The following EPS15 variants were observed in gnomAD, a reference collection of about 807,000 sequenced individuals.
EPS15 encodes the protein epidermal growth factor receptor pathway substrate 15.
Under a neutral mutation model 113.8 loss-of-function variants are expected in EPS15, and 72 were observed. The ratio of observed to expected loss-of-function variants is 0.63; its 90% CI spans 0.52 to 0.77. The LOEUF is 0.77. Among genes scored for constraint, EPS15 ranks in the 30% least tolerant of loss-of-function variants. EPS15 has a pLI of 0.00. For missense variants in EPS15, 1,048 were observed against 1,045.8 expected, an observed-to-expected ratio of 1.00 and a Z score of -0.03; for synonymous variants, 344 against 363.4, an observed-to-expected ratio of 0.95 and a Z score of 0.61.
At chr1:51,430,168 T>A (rs1651590424) in intron 12 of EPS15, among the ~76,000 whole-genome samples, 1 of 152,188 alleles carries the variant, frequency 6.6e-6, no homozygotes, top group South Asian at 2.1e-4. Context: ...TTAGGAACTG[T>A]CAGAAGCCTT....
At chr1:51,400,712 C>CAAAAAAAAAAAAAAAAA (rs375748381) in intron 19 of EPS15, among the ~76,000 whole-genome samples, 33 of 60,092 alleles carry the variant, frequency 5.5e-4, no homozygotes, top group Non-Finnish European at 8.2e-4. Flanking sequence ...CAAAAAACAC[C>CAAAAAAAAAAAAAAAAA]AAAAAAAAAA....
intron 13 of EPS15, among the ~76,000 whole-genome samples, chr1:51,417,913 T>C (rs925975227): frequency 6.6e-6 from 1 of 152,300 alleles, no homozygotes; most frequent in Admixed American, 6.5e-5. Flanking sequence ...CCTCCCATCA[T>C]TAATGGTGGC....
intron 1 of EPS15, among the ~76,000 whole-genome samples, chr1:51,485,807 CT>C (rs940227163): frequency 7.9e-5 from 12 of 151,716 alleles, no homozygotes; most frequent in African/African-American, 2.4e-4. Flanking sequence ...CATCGAGGGT[CT>C]TTTTTTTGAG....
At chr1:51,414,170 G>A (rs1196204319) in intron 13 of EPS15, among the ~76,000 whole-genome samples, 1 of 152,124 alleles carries the variant, frequency 6.6e-6, no homozygotes, top group Non-Finnish European at 1.5e-5. Context: ...CCAGCACTTT[G>A]GGAGGCTGAG....
chr1:51,406,219 T>C (rs1258960894), intron 15 of EPS15, 111 bp from the exon 16 acceptor site: 1 of 852,810 alleles, frequency 1.2e-6, no homozygotes, highest in South Asian at 1.7e-5. Context: ...CTCATGCCTA[T>C]AATCTCAACA....
In EPS15 at chr1:51,356,610, T is replaced by C; in HGVS notation, c.*90A>G. 8.9e-7 allele frequency: 1 copy of C among 1,118,692 alleles called. No homozygotes were observed. Among genetic ancestry groups the C allele is most frequent in the Non-Finnish European group, 1.2e-6 (1 of 804,892 alleles). The allele number at this position is 1,118,692 out of a possible 1,614,324, so 69.3% of individuals were successfully genotyped here. A position where few individuals can be genotyped will look rare whatever the true frequency, so the allele number is the denominator to read the frequency against. ...GAATCTCAAACCTTTTGTATTCCCA[T>C]GCTCACAGGTAGTTTTGATACACAT... On this transcript the variant is annotated 3_prime_UTR_variant, in exon 25 of 25. Coordinates refer to ENST00000371733, the MANE Select transcript of EPS15 (RefSeq NM_001981.3).
intron 13 of EPS15, among the ~76,000 whole-genome samples, chr1:51,410,712 T>C (rs1028294863): frequency 6.6e-6 from 1 of 152,138 alleles, no homozygotes; most frequent in Non-Finnish European, 1.5e-5. Context: ...CTAAAAATAA[T>C]ATCTATTCAA....
rs530890446 is a variant in EPS15, at chr1:51,389,313, G to A, written c.2119+5068C>T. On this transcript the variant is annotated intron_variant, in intron 21 of 24. Transcript: ENST00000371733. Reference sequence around the variant, plus strand: ...TCAATAAATTAGGTATTGATGGGACGTATCTCAAAATAATAAGAGCTATCT... The same window carrying A: ...TCAATAAATTAGGTATTGATGGGACATATCTCAAAATAATAAGAGCTATCT... 3.9e-3 allele frequency among the ~76,000 whole-genome samples: 595 copies of A among 152,028 alleles called. 2 individuals carry two copies. Among genetic ancestry groups the A allele is most frequent in the African/African-American group, 0.013 (557 of 41,414 alleles).
chr1:51,379,049 A>C (rs1646871487), intron 21 of EPS15, among the ~76,000 whole-genome samples: 2 of 152,236 alleles, frequency 1.3e-5, no homozygotes, highest in Non-Finnish European at 2.9e-5. Flanking sequence ...AACTGCTGAA[A>C]GACAGAAACA....
At chr1:51,458,625 T>G (rs1324525751) in intron 8 of EPS15, 1 of 416,208 alleles carries the variant, frequency 2.4e-6, no homozygotes, top group South Asian at 1.6e-5. Context: ...TAATCCCAGC[T>G]CCTCAGGAGG....
intron 1 of EPS15, among the ~76,000 whole-genome samples, chr1:51,500,769 G>A (rs1175117746): frequency 1.3e-5 from 2 of 152,050 alleles, no homozygotes; most frequent in Non-Finnish European, 2.9e-5. Flanking sequence ...AGGATCACGA[G>A]GTCAGGAGTT....
chr1:51,365,589 T>C (rs1261937703), intron 22 of EPS15, among the ~76,000 whole-genome samples: 1 of 152,006 alleles, frequency 6.6e-6, no homozygotes, highest in East Asian at 1.9e-4. Context: ...AAGTAACCAA[T>C]ACAGAGAGGA....
intron 12 of EPS15, among the ~76,000 whole-genome samples, chr1:51,430,920 C>T (rs1651654957): frequency 6.6e-6 from 1 of 151,368 alleles, no homozygotes; most frequent in Admixed American, 6.6e-5. Flanking sequence ...GATCACGCCA[C>T]TGCTCTCCAG....
At chr1:51,454,746 G>T (rs934460227) in intron 8 of EPS15, among the ~76,000 whole-genome samples, 2 of 152,098 alleles carry the variant, frequency 1.3e-5, no homozygotes, top group Non-Finnish European at 2.9e-5. Flanking sequence ...TGACAGAAAG[G>T]AAAAACTGGC....
At chr1:51,395,523 T>TACACAC (rs139866618) in intron 20 of EPS15, among the ~76,000 whole-genome samples, 1 of 150,470 alleles carries the variant, frequency 6.6e-6, no homozygotes, top group Non-Finnish European at 1.5e-5. Flanking sequence ...CATACACACA[T>TACACAC]ACACACACAC....
chr1:51,486,825 TTG>T (rs112288630), intron 1 of EPS15, among the ~76,000 whole-genome samples: 1 of 150,830 alleles, frequency 6.6e-6, no homozygotes, highest in Non-Finnish European at 1.5e-5. Flanking sequence ...TGGCTAATTT[TTG>T]TGTGTGTGTG....
At chr1:51,475,628 T>C (rs964083536) in intron 2 of EPS15, among the ~76,000 whole-genome samples, 2 of 152,208 alleles carry the variant, frequency 1.3e-5, no homozygotes, top group Non-Finnish European at 1.5e-5. Context: ...ATCCTGTAGG[T>C]TGCCTGTTCA....
chr1:51,427,587 T>C (rs1324146211), intron 12 of EPS15, among the ~76,000 whole-genome samples: 1 of 152,006 alleles, frequency 6.6e-6, no homozygotes, highest in Admixed American at 6.6e-5. Context: ...CTGAAGGAGG[T>C]CAGAAAAGGC....
chr1:51,440,371 T>C lies in EPS15; in HGVS notation c.1016A>G (p.Asn339Ser), dbSNP rs1652499737. 3.8e-6 allele frequency: 6 copies of C among 1,586,702 alleles called. 1 individual carries two copies. The East Asian group carries it at 1.1e-4, about 30-fold the overall frequency. The change falls in exon 12 of 25, where the codon AAC (asparagine) becomes AGC (serine). Residue 339 changes from asparagine (N) to serine (S), a missense_variant. Transcript: ENST00000371733. Reference sequence around the variant, plus strand: ...CCTCTGTAGGTCAACTATTTCATTGTTAAGAGTATCTAGTTCCTTAATAGC... The same window carrying C: ...CCTCTGTAGGTCAACTATTTCATTGCTAAGAGTATCTAGTTCCTTAATAGC... The part of the protein sequence containing the change: ...FSAIKELDTL[N>S]NEIVDLQREK...
Sources: gnomAD v4.1 joint callset for allele counts (sites outside exome capture counted in the v4.1 genomes callset) on GRCh38, gnomAD v4.1.1 for gene constraint, MANE v1.5 for transcripts, NCBI Gene and HGNC (gene_info 2026-07-23, HGNC 2026-07-21) for gene names.